TENM2: variants seen among roughly 807,000 people sequenced by gnomAD.
TENM2 encodes the protein teneurin transmembrane protein 2.
TENM2 carries 52 observed loss-of-function variants against 245.2 expected under a neutral mutation model. The ratio of observed to expected loss-of-function variants is 0.21; its 90% CI spans 0.17 to 0.27. TENM2 has a LOEUF of 0.27. TENM2 is among the 10% of genes least tolerant of loss of function. TENM2 has a pLI of 1.00. For synonymous variants in TENM2, 1,363 were observed against 1,438.9 expected (o/e 0.95, Z 1.19); for missense variants, 3,046 against 3,666.8 (o/e 0.83, Z 4.37).
At chr5:167,734,699 G>A (rs753679870) in intron 2 of TENM2, among the ~76,000 whole-genome samples, 8 of 151,994 alleles carry the variant, frequency 5.3e-5, no homozygotes, top group Admixed American at 2.0e-4. Context: ...GGGATGATTA[G>A]CATAATCTAT....
chr5:168,222,316 G>A (rs977869586), intron 23 of TENM2, among the ~76,000 whole-genome samples: 1 of 152,196 alleles, frequency 6.6e-6, no homozygotes, highest in African/African-American at 2.4e-5. Flanking sequence ...CGGGCTCAGA[G>A]GGGCAGAAAA....
chr5:167,071,649 A>G, the TENM2 span, among the ~76,000 whole-genome samples: 5 of 152,134 alleles, frequency 3.3e-5, no homozygotes. Flanking sequence ...TTAAAAAGGA[A>G]AGCAAAAATA....
intron 2 of TENM2, among the ~76,000 whole-genome samples, chr5:167,799,083 C>T (rs2150936049): frequency 6.6e-6 from 1 of 152,260 alleles, no homozygotes; most frequent in African/African-American, 2.4e-5. Flanking sequence ...GTTCAAGCCC[C>T]TATAGTGGCC....
chr5:167,514,002 C>A (rs1223648257), intron 2 of TENM2, among the ~76,000 whole-genome samples: 6 of 152,114 alleles, frequency 3.9e-5, no homozygotes. Flanking sequence ...TCTTTCAATG[C>A]CCAGATTGCC....
At chr5:167,973,893 C>T (rs916713758) in intron 4 of TENM2, among the ~76,000 whole-genome samples, 12 of 150,948 alleles carry the variant, frequency 7.9e-5, no homozygotes, top group African/African-American at 1.7e-4. Context: ...AGGCATGTTA[C>T]GGTTAGATTT....
chr5:168,103,139 T>C (rs1793958182), intron 9 of TENM2, among the ~76,000 whole-genome samples: 1 of 152,160 alleles, frequency 6.6e-6, no homozygotes, highest in Non-Finnish European at 1.5e-5. Flanking sequence ...GTGTTTGGTT[T>C]TTTGTCCTTG....
chr5:167,112,479 T>G, the TENM2 span, among the ~76,000 whole-genome samples: 4 of 152,214 alleles, frequency 2.6e-5, no homozygotes, highest in Non-Finnish European at 5.9e-5. Flanking sequence ...TACAGTCACC[T>G]TTGTGGGGTA....
the TENM2 span, among the ~76,000 whole-genome samples, chr5:167,096,186 G>C: frequency 6.6e-6 from 1 of 152,192 alleles, no homozygotes; most frequent in South Asian, 2.1e-4. Context: ...TTTGATACGT[G>C]TATACATTAT....
At chr5:167,994,984 T>A (rs1298457424) in intron 5 of TENM2, among the ~76,000 whole-genome samples, 1 of 152,174 alleles carries the variant, frequency 6.6e-6, no homozygotes, top group Non-Finnish European at 1.5e-5. Context: ...CGGGGTCTTT[T>A]CATGATTTGG....
intron 2 of TENM2, among the ~76,000 whole-genome samples, chr5:167,855,889 AGGAGGGAGGGAGGGAG>A (rs141440133): frequency 1.4e-5 from 1 of 71,168 alleles, no homozygotes; most frequent in Non-Finnish European, 2.7e-5. Flanking sequence ...AAGGAAGGGA[AGGAGGGAGGGAGGGAG>A]GGAATGAGGG....
exon 21 of TENM2, chr5:168,215,064 C>T: frequency 6.2e-7 from 1 of 1,613,860 alleles, no homozygotes; most frequent in Non-Finnish European, 8.5e-7. Context: ...ACAAGTACTA[C>T]TTGGCAGTGG....
At chr5:167,575,815 A>G (rs1311882863) in intron 2 of TENM2, among the ~76,000 whole-genome samples, 1 of 152,186 alleles carries the variant, frequency 6.6e-6, no homozygotes, top group Admixed American at 6.5e-5. Flanking sequence ...ATCGCATCAC[A>G]TGTAATTTTT....
intron 2 of TENM2, among the ~76,000 whole-genome samples, chr5:167,583,508 A>ACACC (rs1554085398): frequency 4.0e-5 from 6 of 151,288 alleles, no homozygotes; most frequent in African/African-American, 1.2e-4. Flanking sequence ...ACACACACAC[A>ACACC]CACCCCAAAC....
intron 2 of TENM2, among the ~76,000 whole-genome samples, chr5:167,693,586 G>T (rs1338655902): frequency 6.6e-6 from 1 of 150,436 alleles, no homozygotes; most frequent in East Asian, 2.0e-4. Context: ...GCCAAACATC[G>T]GTGCTCCTCT....
chr5:167,799,423 T>C (rs1561793481), intron 2 of TENM2, among the ~76,000 whole-genome samples: 1 of 152,242 alleles, frequency 6.6e-6, no homozygotes, highest in Non-Finnish European at 1.5e-5. Flanking sequence ...TTGCTTTCTA[T>C]TTATGGCAGA....
the TENM2 span, among the ~76,000 whole-genome samples, chr5:167,052,100 G>A: frequency 1.3e-5 from 2 of 152,010 alleles, no homozygotes; most frequent in South Asian, 2.1e-4. Flanking sequence ...GATAATGTTC[G>A]TTTAAAGAGG....
chr5:167,533,100 C>T (rs1051602442), intron 2 of TENM2, among the ~76,000 whole-genome samples: 2 of 151,870 alleles, frequency 1.3e-5, no homozygotes, highest in Non-Finnish European at 2.9e-5. Flanking sequence ...CTTGAAAGAC[C>T]CTCACCGTTA....
the TENM2 span, among the ~76,000 whole-genome samples, chr5:167,136,952 C>T: frequency 6.6e-6 from 1 of 152,174 alleles, no homozygotes; most frequent in Non-Finnish European, 1.5e-5. Flanking sequence ...ATTTATTTCT[C>T]ACAGTTCTAG....
chr5:167,861,328 G>A (rs1269536331), intron 2 of TENM2, among the ~76,000 whole-genome samples: 1 of 152,180 alleles, frequency 6.6e-6, no homozygotes, highest in African/African-American at 2.4e-5. Context: ...CACGGAGAGC[G>A]GTGCCGGGCG....
Sources: gnomAD v4.1 joint callset for allele counts (sites outside exome capture counted in the v4.1 genomes callset) on GRCh38, gnomAD v4.1.1 for gene constraint, MANE v1.5 for transcripts, NCBI Gene and HGNC (gene_info 2026-07-23, HGNC 2026-07-21) for gene names.